Variants in ENTHD1 observed in about 807,000 individuals in gnomAD.
ENTHD1 encodes ENTH domain containing 1.
ENTHD1 carries 23 observed loss-of-function variants against 39.1 expected under a neutral mutation model. The ratio of observed to expected loss-of-function variants is 0.59; its 90% CI spans 0.42 to 0.83. The LOEUF (loss-of-function observed/expected upper bound fraction) is 0.83. Among genes scored for constraint, ENTHD1 ranks in the 40% least tolerant of loss-of-function variants. The pLI is 0.00. For synonymous variants in ENTHD1, 230 were observed against 258.2 expected (o/e 0.89, Z 1.05); for missense variants, 624 against 705.4 (o/e 0.88, Z 1.31).
chr22:39,792,250 T>A (rs532995903), intron 5 of ENTHD1, among the ~76,000 whole-genome samples: 31 of 152,118 alleles, frequency 2.0e-4, no homozygotes, highest in Non-Finnish European at 4.1e-4. Context: ...TGGGTATATA[T>A]CCAGTAGTGG....
intron 5 of ENTHD1, among the ~76,000 whole-genome samples, chr22:39,798,428 G>C (rs960887370): frequency 1.3e-5 from 2 of 152,170 alleles, no homozygotes; most frequent in East Asian, 1.9e-4. Context: ...CTATGGTGTT[G>C]GTTGGGTAGG....
At chr22:39,860,445 T>C (rs917820773) in intron 3 of ENTHD1, among the ~76,000 whole-genome samples, 1 of 152,178 alleles carries the variant, frequency 6.6e-6, no homozygotes, top group African/African-American at 2.4e-5. Context: ...TTCAAAAGAA[T>C]CAGATCCCCT....
intron 3 of ENTHD1, among the ~76,000 whole-genome samples, chr22:39,837,919 A>G (rs1368365885): frequency 6.6e-6 from 1 of 152,240 alleles, no homozygotes; most frequent in Non-Finnish European, 1.5e-5. Flanking sequence ...GAATAAAGTA[A>G]GACATTTTCT....
At chr22:39,862,044 A>AC (rs2066146188) in intron 2 of ENTHD1, 37 bp from the exon 3 acceptor site, 1 of 1,396,498 alleles carries the variant, frequency 7.2e-7, no homozygotes. Flanking sequence ...AAAAGGAAAT[A>AC]CTAGTTAAGG....
At chr22:39,810,674 G>A (rs1294156485) in intron 5 of ENTHD1, among the ~76,000 whole-genome samples, 1 of 152,198 alleles carries the variant, frequency 6.6e-6, no homozygotes, top group East Asian at 1.9e-4. Context: ...GGACTGTCAA[G>A]GATGACGGTA....
Position 39,875,964 on chromosome 22 carries a change from T to C in ENTHD1, c.349+11436A>G, listed in dbSNP as rs550634345. ...TGCACTCATCTTGGTTGTGTACCCATTGCAAATGCAGGAGATTTTGGTGGT... is the reference window on the plus strand; with the variant it reads ...TGCACTCATCTTGGTTGTGTACCCACTGCAAATGCAGGAGATTTTGGTGGT... On this transcript the variant is annotated intron_variant, in intron 2 of 6. Transcript: ENST00000325157. 152 of 1,613,988 alleles carry C rather than the reference T, an allele frequency of 9.4e-5. 1 individual carries two copies. The highest frequency in any genetic ancestry group is 5.0e-4 in the Middle Eastern group (3 of 6,056).
At chr22:39,844,891 C>T (rs1226585457) in intron 3 of ENTHD1, among the ~76,000 whole-genome samples, 2 of 152,118 alleles carry the variant, frequency 1.3e-5, no homozygotes, top group Non-Finnish European at 1.5e-5. Context: ...TACAGTTTGA[C>T]ACTGAATTGG....
At chr22:39,868,140 C>T (rs1218192746) in intron 2 of ENTHD1, among the ~76,000 whole-genome samples, 1 of 151,790 alleles carries the variant, frequency 6.6e-6, no homozygotes, top group African/African-American at 2.4e-5. Flanking sequence ...CGGGATACAA[C>T]TTATTTGTGG....
At position 39,887,668 on chromosome 22, in the gene ENTHD1, G is replaced by T; in HGVS notation, c.81C>A (p.Asn27Lys). 6.2e-7 allele frequency: 1 copy of T among 1,604,692 alleles called. No individual in the cohort carries two copies. The highest frequency in any genetic ancestry group is 1.7e-4 in the Middle Eastern group (1 of 5,998). ...GAGAACTAGAGGGACCCCAAGGGTC[G>T]TTAGAAGTTGCTTCCCTGACTTTTA... ...AEIKVREATS[N>K]DPWGPSSSLM... Residue 27 changes from asparagine (N) to lysine (K), a missense_variant, in exon 2 of 7, where the codon AAC (asparagine) becomes AAA (lysine). By Grantham distance (94) the Asn-to-Lys change is moderately conservative. Transcript: ENST00000325157.
At chr22:39,800,260 C>T (rs1329548973) in intron 5 of ENTHD1, among the ~76,000 whole-genome samples, 1 of 152,200 alleles carries the variant, frequency 6.6e-6, no homozygotes, top group Non-Finnish European at 1.5e-5. Context: ...TAGGTGTTTC[C>T]TGTCATTTCT....
chr22:39,785,288 A>G (rs1169989367), intron 5 of ENTHD1, among the ~76,000 whole-genome samples: 1 of 152,096 alleles, frequency 6.6e-6, no homozygotes, highest in African/African-American at 2.4e-5. Context: ...CCCATTCCAC[A>G]TCAGCCACTC....
At chr22:39,779,693 A>G (rs1254695319) in intron 5 of ENTHD1, among the ~76,000 whole-genome samples, 4 of 152,250 alleles carry the variant, frequency 2.6e-5, no homozygotes, top group East Asian at 1.9e-4. Flanking sequence ...AGACAAATCT[A>G]TCAAAGACAA....
chr22:39,835,213 T>C (rs1229426271), intron 4 of ENTHD1, among the ~76,000 whole-genome samples: 2 of 152,116 alleles, frequency 1.3e-5, no homozygotes, highest in Admixed American at 1.3e-4. Context: ...GATGTTGTGC[T>C]GCAACCATAC....
At chr22:39,815,611 C>T (rs544960080) in intron 5 of ENTHD1, among the ~76,000 whole-genome samples, 70 of 152,254 alleles carry the variant, frequency 4.6e-4, no homozygotes, top group Non-Finnish European at 7.1e-4. Context: ...TCTAACCGTA[C>T]GGCAATTTCG....
At chr22:39,783,730 C>T (rs1366554967) in intron 5 of ENTHD1, among the ~76,000 whole-genome samples, 6 of 152,098 alleles carry the variant, frequency 3.9e-5, no homozygotes, top group Non-Finnish European at 8.8e-5. Context: ...CTATCTCTCG[C>T]TATACACAAA....
At chr22:39,789,213 G>T (rs1280704101) in intron 5 of ENTHD1, among the ~76,000 whole-genome samples, 1 of 152,072 alleles carries the variant, frequency 6.6e-6, no homozygotes, top group South Asian at 2.1e-4. Context: ...TCAACATACT[G>T]ATTTCAATAC....
intron 6 of ENTHD1, among the ~76,000 whole-genome samples, chr22:39,762,362 C>T (rs952906384): frequency 2.0e-5 from 3 of 152,092 alleles, no homozygotes; most frequent in Non-Finnish European, 4.4e-5. Context: ...TGAAGAGTAC[C>T]CTCAGAATCT....
intron 3 of ENTHD1, among the ~76,000 whole-genome samples, chr22:39,851,626 G>T (rs1263443821): frequency 6.6e-6 from 1 of 152,130 alleles, no homozygotes; most frequent in African/African-American, 2.4e-5. Context: ...GAGGGTCTGG[G>T]TTCAGCATAG....
At position 39,743,502 on chromosome 22, in the gene ENTHD1, A is replaced by G; in HGVS notation, c.*177T>C. 3.0e-6 allele frequency: 2 copies of G among 668,748 alleles called. No homozygotes were observed. Among genetic ancestry groups the G allele is most frequent in the Non-Finnish European group, 4.6e-6 (2 of 438,894 alleles). The allele number at this position is 668,748 out of a possible 1,614,324, so 41.4% of individuals were successfully genotyped here. ...ATCAAAGGTGACATCTTTCCCTTTTAAAAAATAAACCACCCAAATGAAAGT... is the reference window on the plus strand; with the variant it reads ...ATCAAAGGTGACATCTTTCCCTTTTGAAAAATAAACCACCCAAATGAAAGT... On this transcript the variant is annotated 3_prime_UTR_variant, in exon 7 of 7. Transcript: ENST00000325157.
Sources: allele counts gnomAD v4.1 joint callset (sites outside exome capture counted in the v4.1 genomes callset), GRCh38; gene constraint gnomAD v4.1.1; transcripts MANE v1.5; gene names NCBI Gene and HGNC (gene_info 2026-07-23, HGNC 2026-07-21).